The following NSUN7 variants were observed in gnomAD, a reference collection of about 807,000 sequenced individuals.
The protein encoded by NSUN7 is NOP2/Sun RNA methyltransferase family member 7, also known as protein NSUN7.
A neutral mutation model predicts 58.5 loss-of-function variants in NSUN7; 39 were observed. The ratio of observed to expected loss-of-function variants is 0.67; its 90% CI spans 0.52 to 0.87. The LOEUF (loss-of-function observed/expected upper bound fraction) is 0.87, where lower values mean the gene tolerates loss of function less well. NSUN7 is among the 40% of genes least tolerant of loss of function. NSUN7 has a pLI of 0.00. For synonymous variants in NSUN7, 278 were observed against 303.7 expected, an observed-to-expected ratio of 0.92 and a Z score of 0.88; for missense variants, 765 against 844.1, an observed-to-expected ratio of 0.91 and a Z score of 1.16.
At position 40,775,115 on chromosome 4, in the gene NSUN7, G is replaced by T. The variant is rs1214701516; in HGVS notation, c.825+165G>T. ...AATAAAATTAATACCTCTACAATCAGTGCATCTGGTTGGCGTCTTTGTCTC... is the reference window on the plus strand; with the variant it reads ...AATAAAATTAATACCTCTACAATCATTGCATCTGGTTGGCGTCTTTGTCTC... On this transcript the variant is annotated intron_variant, in intron 6 of 11. Coordinates refer to ENST00000381782, the MANE Select transcript of NSUN7 (RefSeq NM_024677.6). The surrounding 1 kb of genome is among the most constrained non-coding windows in gnomAD (Gnocchi z 4.3). 5 of 378,776 alleles carry T rather than the reference G, an allele frequency of 1.3e-5. No individual in the cohort carries two copies. The Admixed American group carries it at 1.8e-4, about 14-fold the overall frequency. 23.5% of individuals were successfully genotyped at this position (378,776 alleles called of 1,614,324 possible).
chr4:40,752,171 A>G (rs1740868701), intron 2 of NSUN7, among the ~76,000 whole-genome samples: 1 of 152,266 alleles, frequency 6.6e-6, no homozygotes, highest in Admixed American at 6.5e-5. Context: ...CATGGCCAAA[A>G]TGATGAGCAG....
chr4:40,750,475 C>G (rs563280911), intron 1 of NSUN7, 128 bp from the exon 2 acceptor site: 660 of 453,972 alleles, frequency 1.5e-3, no homozygotes, highest in Admixed American at 2.2e-3. Context: ...GTCCCAGGCT[C>G]GAAGTCTGGG....
intron 7 of NSUN7, among the ~76,000 whole-genome samples, chr4:40,781,880 A>G (rs1742583002): frequency 6.6e-6 from 1 of 152,270 alleles, no homozygotes; most frequent in African/African-American, 2.4e-5. Context: ...AGACAAATAG[A>G]TTCAAGTCAA....
At chr4:40,757,638 GTATA>G (rs528596396) in intron 2 of NSUN7, among the ~76,000 whole-genome samples, 1 of 141,730 alleles carries the variant, frequency 7.1e-6, no homozygotes, top group Non-Finnish European at 1.5e-5. Flanking sequence ...TACATTGTGT[GTATA>G]TATATACATT....
At chr4:40,773,411 G>A (rs1010987219) in intron 4 of NSUN7, among the ~76,000 whole-genome samples, 1 of 152,062 alleles carries the variant, frequency 6.6e-6, no homozygotes, top group African/African-American at 2.4e-5. Flanking sequence ...GGCTGGGTGC[G>A]GTGGCTTACG....
chr4:40,803,504 T>C (rs1425995324), intron 10 of NSUN7, among the ~76,000 whole-genome samples: 1 of 152,224 alleles, frequency 6.6e-6, no homozygotes, highest in African/African-American at 2.4e-5. Flanking sequence ...TGGTATCTCA[T>C]TGTGGTTTTG....
chr4:40,760,825 G>A (rs902208871), intron 3 of NSUN7, among the ~76,000 whole-genome samples: 1 of 142,148 alleles, frequency 7.0e-6, no homozygotes, highest in Non-Finnish European at 1.5e-5. Context: ...TTGCGCCATT[G>A]CACTCCAGCC....
chr4:40,767,070 GTC>G (rs1182171549), intron 4 of NSUN7, among the ~76,000 whole-genome samples: 1 of 150,426 alleles, frequency 6.6e-6, no homozygotes, highest in Non-Finnish European at 1.5e-5. Flanking sequence ...GGTTTTTTGT[GTC>G]TCTATTTCCT....
chr4:40,771,591 T>C (rs961210205), intron 4 of NSUN7, among the ~76,000 whole-genome samples: 1 of 151,984 alleles, frequency 6.6e-6, no homozygotes, highest in Admixed American at 6.6e-5. Context: ...ATGAGAGTGA[T>C]GGGAATTGAG....
intron 7 of NSUN7, among the ~76,000 whole-genome samples, chr4:40,780,790 CACATATATATATAT>C (rs1461109293): frequency 5.4e-5 from 6 of 110,982 alleles, no homozygotes; most frequent in Non-Finnish European, 8.6e-5. Context: ...CACACACATA[CACATATATATATAT>C]ATATATATAT....
intron 7 of NSUN7, among the ~76,000 whole-genome samples, chr4:40,788,660 A>G (rs367745152): frequency 6.6e-6 from 1 of 152,152 alleles, no homozygotes; most frequent in Admixed American, 6.5e-5. Flanking sequence ...TCTTCTTCCA[A>G]TGCTTGTTTA....
Position 40,794,474 on chromosome 4 carries a change from A to G in NSUN7, c.1280A>G (p.Lys427Arg), listed in dbSNP as rs1427881176. The G allele has an allele frequency of 6.3e-7, 1 of 1,594,588 alleles. No individual in the cohort carries two copies. Among genetic ancestry groups the G allele is most frequent in the Middle Eastern group, 1.7e-4 (1 of 6,038 alleles). Residue 427 changes from lysine to arginine, a missense_variant and splice_region_variant, in exon 9 of 12, where the codon AAA becomes AGA. By Grantham distance (26) the Lys-to-Arg change is conservative (BLOSUM62 2). Coordinates refer to ENST00000381782, the MANE Select transcript of NSUN7 (RefSeq NM_024677.6). ...TATGAACAGCTAACACATGCAATGA[A>G]ATGTAAGGTTGTCATAGGCACCATC... ...QQYEQLTHAM[K>R]FTKAQAVVYC...
At chr4:40,780,772 CACACACACACACACAT>C (rs1381985897) in intron 7 of NSUN7, among the ~76,000 whole-genome samples, 3 of 68,986 alleles carry the variant, frequency 4.3e-5, no homozygotes, top group African/African-American at 6.8e-5. Context: ...CACACACACA[CACACACACACACACAT>C]ACACATATAT....
chr4:40,755,983 G>T (rs566059729), intron 2 of NSUN7, among the ~76,000 whole-genome samples: 1 of 152,144 alleles, frequency 6.6e-6, no homozygotes. Context: ...TTATTGGGGG[G>T]TCAGTTTTGT....
At chr4:40,768,442 G>A (rs1349357639) in intron 4 of NSUN7, among the ~76,000 whole-genome samples, 5 of 151,982 alleles carry the variant, frequency 3.3e-5, no homozygotes, top group South Asian at 2.1e-4. Flanking sequence ...CTCCCGCCTC[G>A]GCCTCCTAGA....
At chr4:40,807,628 G>T (rs56918153) in intron 11 of NSUN7, among the ~76,000 whole-genome samples, 21,923 of 151,876 alleles carry the variant, frequency 0.14, 1,811 homozygotes, top group East Asian at 0.26. Flanking sequence ...TTACAGGTGT[G>T]AACCACCGCA....
rs761448412 is a variant in NSUN7 at position 40,799,073 on chromosome 4, CTTTTTTTT to C, written c.1400+191_1400+198del. ...AACCAAGATTCCATAGGGCCTTTTT[CTTTTTTTT>C]TTTTTTTTTTTTTTTTTTTTTAAAG... On this transcript the variant is annotated intron_variant, in intron 10 of 11. Transcript: ENST00000381782. Among the ~76,000 whole-genome samples the C allele has an allele frequency of 1.0e-3, 78 of 76,246 alleles. 1 individual carries two copies. Among genetic ancestry groups the C allele is most frequent in the African/African-American group, 2.8e-3 (57 of 20,162 alleles). 50.0% of individuals were successfully genotyped at this position (76,246 alleles called of 152,430 possible).
At chr4:40,781,072 CAT>C (rs147381643) in intron 7 of NSUN7, among the ~76,000 whole-genome samples, 12 of 149,228 alleles carry the variant, frequency 8.0e-5, no homozygotes, top group Admixed American at 6.7e-5. Flanking sequence ...CCCGCCTCGG[CAT>C]ATATATATAT....
intron 8 of NSUN7, among the ~76,000 whole-genome samples, chr4:40,792,612 G>A (rs1393983885): frequency 6.6e-6 from 1 of 152,118 alleles, no homozygotes; most frequent in Non-Finnish European, 1.5e-5. Flanking sequence ...TTAGCCGGGC[G>A]AGGTGGCGGG....
Sources: gnomAD v4.1 joint callset for allele counts (sites outside exome capture counted in the v4.1 genomes callset) on GRCh38, gnomAD v4.1.1 for gene constraint, Gnocchi (gnomAD v3.1) non-coding constraint, MANE v1.5 for transcripts, NCBI Gene and HGNC (gene_info 2026-07-23, HGNC 2026-07-21) for gene names.